The following CFAP54 variants were observed in gnomAD, a reference collection of about 807,000 sequenced individuals.
The protein encoded by CFAP54 is cilia and flagella associated protein 54, also known as cilia- and flagella-associated protein 54.
A neutral mutation model predicts 370.4 loss-of-function variants in CFAP54; 290 were observed. The ratio of observed to expected loss-of-function variants is 0.78; its 90% CI spans 0.71 to 0.86. The LOEUF is 0.86. CFAP54 is among the 40% of genes least tolerant of loss of function. CFAP54 has a pLI of 0.00. For missense variants in CFAP54, 3,399 were observed against 3,528.7 expected (o/e 0.96, Z 0.93); for synonymous variants, 1,206 against 1,236.5 (o/e 0.98, Z 0.52).
At position 96,693,726 on chromosome 12, in the gene CFAP54, T is replaced by C. The variant is rs954871339; in HGVS notation, c.6269T>C (p.Leu2090Pro). 3 of 1,575,286 alleles carry C rather than the reference T, an allele frequency of 1.9e-6. No individual in the cohort carries two copies. Among genetic ancestry groups the C allele is most frequent in the Non-Finnish European group, 2.6e-6 (3 of 1,150,316 alleles). The change falls in exon 45 of 68, where the codon CTG (leucine) becomes CCG (proline). Residue 2090 changes from leucine (L) to proline (P), a missense_variant. By Grantham distance (98) the Leu-to-Pro change is moderately conservative (BLOSUM62 -3). Coordinates refer to ENST00000524981, the MANE Select transcript of CFAP54 (RefSeq NM_001306084.2). ...AGAGTGTTTTTCTCCTGATAGGTTC[T>C]GCCTCTCCTTGCATTGTATCAATAT... Reference protein sequence around the residue: ...LHFVRQNLIVLPLLALYQYFV... With the variant: ...LHFVRQNLIVPPLLALYQYFV...
intron 65 of CFAP54, among the ~76,000 whole-genome samples, chr12:96,818,348 C>T (rs1258851164): frequency 1.3e-5 from 2 of 152,054 alleles, no homozygotes; most frequent in Admixed American, 1.3e-4. Flanking sequence ...ACAAAAAAGG[C>T]TGTTATCCGT....
chr12:96,538,560 T>G (rs2136385458), intron 13 of CFAP54, 42 bp downstream of exon 13: 1 of 1,525,588 alleles, frequency 6.6e-7, no homozygotes, highest in Admixed American at 2.0e-5. Flanking sequence ...TTTTTGCTAT[T>G]GCTTATTCAA....
Position 96,764,268 on chromosome 12 carries a change from T to C in CFAP54, c.8139+19T>C, listed in dbSNP as rs1272998613. ...TGCACAGGTTGGTGTGATTTTTGTTTAATCTTTCTTCTTACTGTCATATCT... is the reference window on the plus strand; with the variant it reads ...TGCACAGGTTGGTGTGATTTTTGTTCAATCTTTCTTCTTACTGTCATATCT... On this transcript the variant is annotated intron_variant, in intron 59 of 67. Transcript: ENST00000524981. The C allele has an allele frequency of 1.3e-6, 2 of 1,556,908 alleles. No individual in the cohort carries two copies. Among genetic ancestry groups the C allele is most frequent in the Admixed American group, 3.4e-5 (2 of 59,094 alleles).
intron 65 of CFAP54, among the ~76,000 whole-genome samples, chr12:96,825,332 A>T (rs1772208485): frequency 7.9e-6 from 1 of 126,594 alleles, no homozygotes; most frequent in Non-Finnish European, 1.6e-5. Flanking sequence ...ATTATATAAC[A>T]TGTTATATAT....
chr12:96,684,708 G>A lies in CFAP54; in HGVS notation c.5777G>A (p.Ser1926Asn). 1 of 1,613,026 alleles carries A rather than the reference G, an allele frequency of 6.2e-7. No individual in the cohort carries two copies. The highest frequency in any genetic ancestry group is 8.5e-7 in the Non-Finnish European group (1 of 1,179,626). The change falls in exon 41 of 68, where the codon AGT (serine) becomes AAT (asparagine). Residue 1926 changes from serine (S) to asparagine (N), a missense_variant. Ser to Asn is a conservative substitution (Grantham distance 46). Coordinates refer to ENST00000524981, the MANE Select transcript of CFAP54 (RefSeq NM_001306084.2). ...LKVQALHSLG[S>N]LLIFAEKKRA... The stretch of plus-strand genomic sequence containing the variant: ...GTTCAGGCGTTGCATTCACTTGGAA[G>A]TCTTCTCATCTTCGCAGAAAAGAAA...
intron 5 of CFAP54, among the ~76,000 whole-genome samples, chr12:96,514,158 A>T (rs1292116426): frequency 6.6e-6 from 1 of 152,220 alleles, no homozygotes; most frequent in Non-Finnish European, 1.5e-5. Flanking sequence ...CATCTGAAAC[A>T]TGACTACTTT....
intron 40 of CFAP54, among the ~76,000 whole-genome samples, chr12:96,683,109 T>A (rs1957289765): frequency 6.6e-6 from 1 of 152,242 alleles, no homozygotes; most frequent in African/African-American, 2.4e-5. Context: ...TTTAATATAT[T>A]CTTCTTATAC....
At chr12:96,568,394 C>T (rs997196431) in intron 19 of CFAP54, among the ~76,000 whole-genome samples, 51 of 152,008 alleles carry the variant, frequency 3.4e-4, no homozygotes, top group Admixed American at 2.0e-4. Context: ...TTTTCACCAA[C>T]GAGGAACATG....
At chr12:96,845,219 G>A (rs1371780370) in intron 66 of CFAP54, among the ~76,000 whole-genome samples, 3 of 152,100 alleles carry the variant, frequency 2.0e-5, no homozygotes, top group African/African-American at 7.2e-5. Context: ...TGGAAATTTG[G>A]TATGAGTTCT....
intron 14 of CFAP54, among the ~76,000 whole-genome samples, chr12:96,547,097 T>C (rs188900572): frequency 6.6e-6 from 1 of 152,324 alleles, no homozygotes; most frequent in East Asian, 1.9e-4. Context: ...CTTAACACCT[T>C]GTTGCCACCT....
intron 15 of CFAP54, among the ~76,000 whole-genome samples, chr12:96,553,808 T>G (rs1245337023): frequency 6.6e-6 from 1 of 151,948 alleles, no homozygotes; most frequent in Non-Finnish European, 1.5e-5. Context: ...GAAATTGTTT[T>G]AAAAAATCTT....
At position 96,824,793 on chromosome 12, in the gene CFAP54, T is replaced by G. The variant is rs115088468; in HGVS notation, c.9097-4221T>G. Among the ~76,000 whole-genome samples the G allele has an allele frequency of 6.9e-3, 1,044 of 152,270 alleles. 22 individuals are homozygous for G. The highest frequency in any genetic ancestry group is 0.024 in the African/African-American group (980 of 41,556). ...TTTCCAGTGCAGTTCACTTTTAAAC[T>G]GTGGTCAAATTATCTTTTCAAAGCA... On this transcript the variant is annotated intron_variant, in intron 65 of 67. Transcript: ENST00000524981.
At chr12:96,727,041 C>T (rs112603873) in intron 50 of CFAP54, among the ~76,000 whole-genome samples, 5 of 151,776 alleles carry the variant, frequency 3.3e-5, no homozygotes, top group Admixed American at 2.6e-4. Context: ...GTCTGAGAGA[C>T]AGTTTGTTAT....
rs570013544 is a variant in CFAP54 at position 96,802,647 on chromosome 12, A to G, written c.8851-9089A>G. On this transcript the variant is annotated intron_variant, in intron 63 of 67. Transcript: ENST00000524981. Reference sequence around the variant, plus strand: ...TCCCACTACTAACTTCTTTATTATTATTATTATTATACTTTAAGTTCTGGT... The same window carrying G: ...TCCCACTACTAACTTCTTTATTATTGTTATTATTATACTTTAAGTTCTGGT... Among the ~76,000 whole-genome samples, 10 of 152,096 alleles carry G rather than the reference A, an allele frequency of 6.6e-5. No individual in the cohort carries two copies. The South Asian group carries it at 2.1e-3, about 32-fold the overall frequency.
intron 26 of CFAP54, among the ~76,000 whole-genome samples, chr12:96,610,612 A>G (rs1956348024): frequency 6.6e-6 from 1 of 152,212 alleles, no homozygotes; most frequent in African/African-American, 2.4e-5. Flanking sequence ...AGGAAGCACA[A>G]GGGGTCAGGG....
intron 8 of CFAP54, 120 bp from the exon 9 acceptor site, chr12:96,527,126 G>T: frequency 1.2e-6 from 1 of 846,860 alleles, no homozygotes; most frequent in Non-Finnish European, 1.7e-6. Context: ...TGAACTCCTT[G>T]GGTCAAGCAA....
intron 22 of CFAP54, among the ~76,000 whole-genome samples, chr12:96,588,940 T>C (rs967236235): frequency 3.2e-4 from 48 of 152,244 alleles, no homozygotes; most frequent in African/African-American, 1.0e-3. Flanking sequence ...CTATACTCTT[T>C]TCAGCTCGTG....
chr12:96,803,792 C>G lies in CFAP54; in HGVS notation c.8851-7944C>G, dbSNP rs150162608. Among the ~76,000 whole-genome samples the G allele has an allele frequency of 2.2e-4, 34 of 152,252 alleles. No individual in the cohort carries two copies. In the East Asian group the frequency reaches 6.4e-3, roughly 29 times the overall value. On this transcript the variant is annotated intron_variant, in intron 63 of 67. Transcript: ENST00000524981. The stretch of plus-strand genomic sequence containing the variant: ...AAATTGGAACAAGTAACTGCTACAT[C>G]AGATGCACATATCAATGGAAGGACA...
chr12:96,665,619 A>C (rs1039697174), intron 39 of CFAP54, among the ~76,000 whole-genome samples: 3 of 152,188 alleles, frequency 2.0e-5, no homozygotes, highest in Non-Finnish European at 2.9e-5. Context: ...GTTGAAGATT[A>C]GATAGTTTTA....
Sources: allele counts gnomAD v4.1 joint callset (sites outside exome capture counted in the v4.1 genomes callset), GRCh38; gene constraint gnomAD v4.1.1; transcripts MANE v1.5; gene names NCBI Gene and HGNC (gene_info 2026-07-23, HGNC 2026-07-21).